The following GRM8 variants were observed in gnomAD, a reference collection of about 807,000 sequenced individuals.
GRM8 encodes the protein glutamate metabotropic receptor 8.
Under a neutral mutation model 87.2 loss-of-function variants are expected in GRM8, and 47 were observed. The ratio of observed to expected loss-of-function variants is 0.54; its 90% CI spans 0.43 to 0.69. The LOEUF is 0.69. Among genes scored for constraint, GRM8 ranks in the 30% least tolerant of loss-of-function variants. GRM8 has a pLI of 0.00. For missense variants in GRM8, 1,019 were observed against 1,139.2 expected, an observed-to-expected ratio of 0.89 and a Z score of 1.52; for synonymous variants, 396 against 404.5, an observed-to-expected ratio of 0.98 and a Z score of 0.25.
chr7:126,859,408 T>C (rs148200347), intron 6 of GRM8, among the ~76,000 whole-genome samples: 457 of 152,298 alleles, frequency 3.0e-3, no homozygotes, highest in Non-Finnish European at 4.8e-3. Context: ...TCTGTTGCAC[T>C]TTCCCCAAGC....
intron 2 of GRM8, among the ~76,000 whole-genome samples, chr7:127,199,029 TG>T (rs1478380484): frequency 6.6e-6 from 1 of 152,066 alleles, no homozygotes; most frequent in East Asian, 1.9e-4. Flanking sequence ...TTAGTAGAGA[TG>T]GGGTTTCTCC....
chr7:126,957,419 T>A (rs940742208), intron 3 of GRM8, among the ~76,000 whole-genome samples: 3 of 152,080 alleles, frequency 2.0e-5, no homozygotes, highest in Admixed American at 1.3e-4. Flanking sequence ...GTCCCATGCT[T>A]CTGGGCGCAG....
chr7:126,604,220 A>T lies in GRM8; in HGVS notation c.1494+5142T>A, dbSNP rs539753532. On this transcript the variant is annotated intron_variant, in intron 8 of 10. Transcript: ENST00000339582. ...GTAAAGACCAATTTAATGGAGCAAA[A>T]TTCCATCAGAAAGTTTGCTCAAGTT... 8.5e-5 allele frequency among the ~76,000 whole-genome samples: 13 copies of T among 152,270 alleles called. No individual in the cohort carries two copies. In the East Asian group the frequency reaches 2.3e-3, roughly 27 times the overall value.
rs1245208263 is a variant in GRM8 at position 127,004,102 on chromosome 7, G to A, written c.728-99419C>T. Among the ~76,000 whole-genome samples, 3 of 151,614 alleles carry A rather than the reference G, an allele frequency of 2.0e-5. No homozygotes were observed. In the South Asian group the frequency reaches 6.2e-4, roughly 31 times the overall value. On this transcript the variant is annotated intron_variant, in intron 3 of 10. Transcript: ENST00000339582. The stretch of plus-strand genomic sequence containing the variant: ...AACTAGGCGAATCCAATCAATAGTT[G>A]CAATTATGATCAGATAAGAGCACTT...
intron 7 of GRM8, 91 bp from the exon 8 acceptor site, chr7:126,609,589 T>C (rs1187210965): frequency 1.1e-6 from 1 of 919,256 alleles, no homozygotes; most frequent in Non-Finnish European, 1.7e-6. Context: ...TAGATAAAAA[T>C]ATATTGTGTG....
chr7:126,618,100 G>A lies in GRM8; in HGVS notation c.1358-8602C>T, dbSNP rs367962989. Reference sequence around the variant, plus strand: ...CCTAAGCCAAAAGAACAAAGCTGGAGGCATCACGCTACCTGACTTCAAATT... The same window carrying A: ...CCTAAGCCAAAAGAACAAAGCTGGAAGCATCACGCTACCTGACTTCAAATT... On this transcript the variant is annotated intron_variant, in intron 7 of 10. Coordinates refer to ENST00000339582, the MANE Select transcript of GRM8 (RefSeq NM_000845.3). 4.6e-5 allele frequency among the ~76,000 whole-genome samples: 7 copies of A among 152,266 alleles called. No individual in the cohort carries two copies. In the East Asian group the frequency reaches 5.8e-4, roughly 13 times the overall value.
intron 7 of GRM8, among the ~76,000 whole-genome samples, chr7:126,663,184 T>C (rs563521873): frequency 6.6e-6 from 1 of 152,328 alleles, no homozygotes; most frequent in East Asian, 1.9e-4. Flanking sequence ...CTACGGCAGA[T>C]GGATTCATGG....
intron 9 of GRM8, among the ~76,000 whole-genome samples, chr7:126,455,568 T>C (rs1305620394): frequency 6.6e-6 from 1 of 151,832 alleles, no homozygotes; most frequent in Admixed American, 6.6e-5. Flanking sequence ...AGAACAGCTC[T>C]GGCTTTCTTA....
At chr7:127,200,117 G>A (rs1042833956) in intron 2 of GRM8, among the ~76,000 whole-genome samples, 1 of 152,038 alleles carries the variant, frequency 6.6e-6, no homozygotes, top group Non-Finnish European at 1.5e-5. Context: ...ATTTTAAAAG[G>A]GAGAATTCCA....
intron 9 of GRM8, among the ~76,000 whole-genome samples, chr7:126,478,310 T>C (rs552391154): frequency 6.6e-6 from 1 of 152,150 alleles, no homozygotes; most frequent in South Asian, 2.1e-4. Context: ...TTTAAGTATG[T>C]ATGCATATTG....
intron 2 of GRM8, among the ~76,000 whole-genome samples, chr7:127,116,600 C>A (rs561911911): frequency 6.6e-6 from 1 of 152,168 alleles, no homozygotes; most frequent in Non-Finnish European, 1.5e-5. Flanking sequence ...TCACCTGGTC[C>A]GCAAGGGACA....
intron 6 of GRM8, among the ~76,000 whole-genome samples, chr7:126,870,792 T>C (rs1799029634): frequency 6.6e-6 from 1 of 152,140 alleles, no homozygotes; most frequent in Non-Finnish European, 1.5e-5. Flanking sequence ...AAATGTGAAA[T>C]CAAAACACTG....
chr7:126,612,229 A>G (rs1798991768), intron 7 of GRM8, among the ~76,000 whole-genome samples: 1 of 152,188 alleles, frequency 6.6e-6, no homozygotes, highest in African/African-American at 2.4e-5. Context: ...TTTGAGAGCC[A>G]CTGTCTATAT....
intron 3 of GRM8, among the ~76,000 whole-genome samples, chr7:127,043,743 A>G (rs1016934863): frequency 1.3e-5 from 2 of 152,208 alleles, no homozygotes; most frequent in Non-Finnish European, 2.9e-5. Context: ...GTGCACATGT[A>G]CCCTAAAACT....
chr7:127,144,038 T>G (rs539498902), intron 2 of GRM8, among the ~76,000 whole-genome samples: 1 of 152,244 alleles, frequency 6.6e-6, no homozygotes, highest in East Asian at 1.9e-4. Context: ...ACTGCTTATT[T>G]GCTATGTGGC....
At chr7:127,056,522 G>T (rs1353602487) in intron 3 of GRM8, among the ~76,000 whole-genome samples, 1 of 152,148 alleles carries the variant, frequency 6.6e-6, no homozygotes, top group Non-Finnish European at 1.5e-5. Context: ...TTTGAACACT[G>T]GGCCCCACAG....
intron 8 of GRM8, among the ~76,000 whole-genome samples, chr7:126,555,191 T>C (rs1188608822): frequency 1.3e-5 from 2 of 152,228 alleles, no homozygotes; most frequent in Non-Finnish European, 1.5e-5. Flanking sequence ...ATCTGGTGCA[T>C]GTGAATAGGG....
At chr7:126,850,799 A>T (rs1252417086) in intron 6 of GRM8, among the ~76,000 whole-genome samples, 1 of 152,166 alleles carries the variant, frequency 6.6e-6, no homozygotes, top group Non-Finnish European at 1.5e-5. Flanking sequence ...TTGTGGTCAG[A>T]GTGGCCTTGC....
chr7:127,149,608 A>C (rs1828737229), intron 2 of GRM8, among the ~76,000 whole-genome samples: 1 of 152,088 alleles, frequency 6.6e-6, no homozygotes, highest in Non-Finnish European at 1.5e-5. Flanking sequence ...AGACATCTGC[A>C]CTCCCATGTT....
Sources: gnomAD v4.1 joint callset for allele counts (sites outside exome capture counted in the v4.1 genomes callset) on GRCh38, gnomAD v4.1.1 for gene constraint, MANE v1.5 for transcripts, NCBI Gene and HGNC (gene_info 2026-07-23, HGNC 2026-07-21) for gene names.